TENM2: variants seen among roughly 807,000 people sequenced by gnomAD.
TENM2 encodes teneurin-2.
In TENM2, 52 loss-of-function variants were observed where a neutral mutation model predicts 245.2. The ratio of observed to expected loss-of-function variants is 0.21; its 90% CI spans 0.17 to 0.27. The LOEUF is 0.27. Among genes scored for constraint, TENM2 ranks in the 10% least tolerant of loss-of-function variants. TENM2 has a pLI of 1.00. For synonymous variants in TENM2, 1,363 were observed against 1,438.9 expected (o/e 0.95, Z 1.19); for missense variants, 3,046 against 3,666.8 (o/e 0.83, Z 4.37).
intron 3 of TENM2, among the ~76,000 whole-genome samples, chr5:167,951,725 G>GT (rs1780117869): frequency 6.6e-6 from 1 of 152,188 alleles, no homozygotes; most frequent in Non-Finnish European, 1.5e-5. Context: ...GAGGAAAGAA[G>GT]TTAGCAACCT....
At chr5:167,888,119 G>T (rs761448195) in intron 3 of TENM2, among the ~76,000 whole-genome samples, 7 of 152,116 alleles carry the variant, frequency 4.6e-5, no homozygotes, top group Admixed American at 6.5e-5. Context: ...TCCAAATAAG[G>T]TCACATTCCC....
intron 2 of TENM2, among the ~76,000 whole-genome samples, chr5:167,391,933 G>C (rs1761783972): frequency 6.6e-6 from 1 of 152,096 alleles, no homozygotes; most frequent in South Asian, 2.1e-4. Flanking sequence ...GAGAGAAGAG[G>C]AGGGAGCCAG....
the TENM2 span, among the ~76,000 whole-genome samples, chr5:167,194,811 C>T: frequency 3.5e-3 from 539 of 152,090 alleles, 6 homozygotes; most frequent in African/African-American, 0.012. Context: ...TCTCATTAAT[C>T]CTCACAAAAC....
the TENM2 span, among the ~76,000 whole-genome samples, chr5:167,070,712 G>A: frequency 3.3e-5 from 5 of 151,992 alleles, no homozygotes; most frequent in Non-Finnish European, 7.4e-5. Flanking sequence ...ACTGTTAAGC[G>A]TTTTTGTCAA....
chr5:167,154,403 C>T, the TENM2 span, among the ~76,000 whole-genome samples: 2 of 152,098 alleles, frequency 1.3e-5, no homozygotes, highest in Non-Finnish European at 2.9e-5. Flanking sequence ...GTTATGCAAA[C>T]TTGGCATGAA....
chr5:167,619,967 T>G (rs533481059), intron 2 of TENM2, among the ~76,000 whole-genome samples: 6 of 152,272 alleles, frequency 3.9e-5, no homozygotes, highest in South Asian at 2.1e-4. Context: ...GATCTGGAGG[T>G]TATGCTGTAG....
In TENM2 at chr5:167,882,509, G is replaced by A. The variant is rs182428828; in HGVS notation, c.712+6314G>A. On this transcript the variant is annotated intron_variant, in intron 3 of 28. Transcript: ENST00000518659. ...CTCACACTGCTATGAAGAAACACCCGACACTGGGTAATTTATAAAGGGAAG... is the reference window on the plus strand; with the variant it reads ...CTCACACTGCTATGAAGAAACACCCAACACTGGGTAATTTATAAAGGGAAG... 2.7e-3 allele frequency among the ~76,000 whole-genome samples: 411 copies of A among 152,230 alleles called. 3 individuals are homozygous for A. Among genetic ancestry groups the A allele is most frequent in the Admixed American group, 0.023 (346 of 15,280 alleles).
intron 2 of TENM2, among the ~76,000 whole-genome samples, chr5:167,760,061 C>T (rs1278614871): frequency 6.6e-6 from 1 of 152,170 alleles, no homozygotes; most frequent in Non-Finnish European, 1.5e-5. Flanking sequence ...TGGGTAGTCA[C>T]TGTAGGTATT....
chr5:167,446,198 A>G (rs1765195010), intron 2 of TENM2, among the ~76,000 whole-genome samples: 2 of 152,158 alleles, frequency 1.3e-5, no homozygotes, highest in Non-Finnish European at 2.9e-5. Context: ...TGTTTTGTCA[A>G]AGGTTTTTCT....
chr5:168,037,411 G>A (rs562064389), intron 5 of TENM2, among the ~76,000 whole-genome samples: 105 of 152,170 alleles, frequency 6.9e-4, no homozygotes, highest in African/African-American at 2.2e-3. Context: ...CCACAATGGC[G>A]TCAAACCAGG....
chr5:167,282,363 G>A (rs890858437), upstream of TENM2, among the ~76,000 whole-genome samples: 53 of 152,236 alleles, frequency 3.5e-4, no homozygotes, highest in African/African-American at 9.4e-4. Context: ...TTTATTATTA[G>A]AACTGTGAGT....
chr5:167,900,181 A>G (rs1372354306), intron 3 of TENM2, among the ~76,000 whole-genome samples: 4 of 149,836 alleles, frequency 2.7e-5, no homozygotes, highest in Non-Finnish European at 5.9e-5. Context: ...TTCTCCGGAA[A>G]CATTGCACTG....
intron 2 of TENM2, among the ~76,000 whole-genome samples, chr5:167,761,364 C>A (rs1376079108): frequency 6.6e-6 from 1 of 152,020 alleles, no homozygotes; most frequent in Non-Finnish European, 1.5e-5. Flanking sequence ...CCCATCAACC[C>A]AGAATGCCGT....
the TENM2 span, among the ~76,000 whole-genome samples, chr5:167,157,451 T>G: frequency 6.6e-6 from 1 of 152,186 alleles, no homozygotes; most frequent in African/African-American, 2.4e-5. Context: ...TCATGAGGGG[T>G]ATGGAAAGAA....
At chr5:167,053,218 A>AT in the TENM2 span, among the ~76,000 whole-genome samples, 1 of 151,882 alleles carries the variant, frequency 6.6e-6, no homozygotes, top group African/African-American at 2.4e-5. Context: ...TATATTTTTT[A>AT]TTTTTTCTTA....
intron 5 of TENM2, among the ~76,000 whole-genome samples, chr5:168,046,674 G>A (rs1788635808): frequency 6.6e-6 from 1 of 152,154 alleles, no homozygotes; most frequent in Non-Finnish European, 1.5e-5. Context: ...GCAAAGAACA[G>A]GCAGTATTTC....
the TENM2 span, among the ~76,000 whole-genome samples, chr5:167,016,445 T>C: frequency 6.6e-6 from 1 of 152,164 alleles, no homozygotes; most frequent in Non-Finnish European, 1.5e-5. Flanking sequence ...ACCAAAACCT[T>C]ACGAATTCCT....
chr5:167,513,725 C>T (rs183087606), intron 2 of TENM2, among the ~76,000 whole-genome samples: 1 of 152,286 alleles, frequency 6.6e-6, no homozygotes, highest in Admixed American at 6.5e-5. Flanking sequence ...TCTCTATATC[C>T]ATCCAGCAGA....
intron 5 of TENM2, among the ~76,000 whole-genome samples, chr5:168,004,517 G>GCACACA (rs550787443): frequency 0.011 from 1,489 of 132,172 alleles, 15 homozygotes; most frequent in African/African-American, 0.016. Context: ...GCGCGCGCGC[G>GCACACA]CACACACACA....
Sources: gnomAD v4.1 joint callset for allele counts (sites outside exome capture counted in the v4.1 genomes callset) on GRCh38, gnomAD v4.1.1 for gene constraint, MANE v1.5 for transcripts, NCBI Gene and HGNC (gene_info 2026-07-23, HGNC 2026-07-21) for gene names.